The following CACNA1C variants were observed in gnomAD, a reference collection of about 807,000 sequenced individuals.
CACNA1C encodes the protein voltage-dependent L-type calcium channel subunit alpha-1C.
CACNA1C carries 30 observed loss-of-function variants against 229.0 expected under a neutral mutation model. The ratio of observed to expected loss-of-function variants is 0.13; its 90% confidence interval spans 0.10 to 0.18. CACNA1C has a LOEUF of 0.18. Ranked by LOEUF, CACNA1C falls within the 10% of genes least tolerant of loss-of-function variation. The probability of loss-of-function intolerance (pLI) is 1.00; values close to 1 mark genes in which losing one functional copy is unlikely to be tolerated. For synonymous variants in CACNA1C, 1,114 were observed against 1,132.5 expected, an observed-to-expected ratio of 0.98 and a Z score of 0.33; for missense variants, 1,658 against 2,845.0, an observed-to-expected ratio of 0.58 and a Z score of 9.49.
rs542605576 is a variant in CACNA1C, at chr12:2,260,747, G to C, written c.477+140317G>C. 3.3e-4 allele frequency among the ~76,000 whole-genome samples: 50 copies of C among 152,310 alleles called. No homozygotes were observed. The South Asian group carries it at 5.0e-3, about 15-fold the overall frequency. On this transcript the variant is annotated intron_variant, in intron 3 of 46. Transcript: ENST00000399655. ...CTGCCTCAACATTCTTGCTCCTAAA[G>C]TGGGGTTAATTATATATACCTTGCA...
intron 9 of CACNA1C, among the ~76,000 whole-genome samples, chr12:2,518,991 A>T (rs965477947): frequency 6.6e-6 from 1 of 152,224 alleles, no homozygotes; most frequent in African/African-American, 2.4e-5. Flanking sequence ...ATGTTACTGA[A>T]GTCAGCACTC....
At chr12:2,020,763 G>C (rs998563558) in intron 1 of CACNA1C, among the ~76,000 whole-genome samples, 16 of 152,184 alleles carry the variant, frequency 1.1e-4, no homozygotes, top group African/African-American at 3.9e-4. Context: ...CTCAGGAGTG[G>C]AGGAGATTTG....
chr12:2,555,884 G>T (rs545005210), intron 10 of CACNA1C, among the ~76,000 whole-genome samples: 4 of 152,086 alleles, frequency 2.6e-5, no homozygotes, highest in Admixed American at 6.5e-5. Context: ...GCGCTGGGAC[G>T]TCGCAGGCCT....
chr12:2,097,388 CG>C (rs2074614799), intron 1 of CACNA1C, among the ~76,000 whole-genome samples: 1 of 151,990 alleles, frequency 6.6e-6, no homozygotes, highest in Non-Finnish European at 1.5e-5. Context: ...CCTTGTGATC[CG>C]CCCGCCTCGA....
At chr12:2,238,086 T>C (rs752159043) in intron 3 of CACNA1C, among the ~76,000 whole-genome samples, 1 of 152,238 alleles carries the variant, frequency 6.6e-6, no homozygotes, top group Non-Finnish European at 1.5e-5. Context: ...CTCTTTGTTC[T>C]AGCCTTCGTC....
Position 2,032,259 on chromosome 12 carries a change from C to T in CACNA1C, c.139+61058C>T, listed in dbSNP as rs143220115. 5.8e-3 allele frequency among the ~76,000 whole-genome samples: 882 copies of T among 152,072 alleles called. 6 individuals are homozygous for T. The highest frequency in any genetic ancestry group is 0.02 in the African/African-American group (837 of 41,466). ...TTAGGTGTCATATGAGTGCTTATAT[C>T]AGTATAACTCACATCAGCCTTAGTG... On this transcript the variant is annotated intron_variant, in intron 1 of 46. Transcript: ENST00000682462.
chr12:2,361,331 A>G (rs1010273932), intron 3 of CACNA1C, among the ~76,000 whole-genome samples: 5 of 152,192 alleles, frequency 3.3e-5, no homozygotes, highest in African/African-American at 4.8e-5. Flanking sequence ...GATTTGGGGC[A>G]CATTGCTACC....
At chr12:2,292,180 T>G (rs1190108089) in intron 3 of CACNA1C, among the ~76,000 whole-genome samples, 3 of 152,198 alleles carry the variant, frequency 2.0e-5, no homozygotes, top group Non-Finnish European at 4.4e-5. Context: ...ACCTTGGTCC[T>G]TAAGAGGTTG....
chr12:2,358,307 GTC>G (rs142030445), intron 3 of CACNA1C, among the ~76,000 whole-genome samples: 8 of 135,628 alleles, frequency 5.9e-5, no homozygotes, highest in African/African-American at 1.4e-4. Flanking sequence ...GTGTGTGTGT[GTC>G]TCTTTGTCAT....
Position 2,369,981 on chromosome 12 carries a change from G to A in CACNA1C, c.478-78995G>A, listed in dbSNP as rs574631518. Among the ~76,000 whole-genome samples, 246 of 152,256 alleles carry A rather than the reference G, an allele frequency of 1.6e-3. 2 individuals carry two copies. The highest frequency in any genetic ancestry group is 2.4e-3 in the Non-Finnish European group (160 of 68,014). On this transcript the variant is annotated intron_variant, in intron 3 of 46. Transcript: ENST00000399655. ...AAATGTTTATTAAAGTGGTAGACAC[G>A]GGGTCAATATTGCTGCTGTATAAGG...
intron 3 of CACNA1C, among the ~76,000 whole-genome samples, chr12:2,227,400 C>G (rs767805437): frequency 5.9e-5 from 9 of 152,210 alleles, no homozygotes; most frequent in Non-Finnish European, 1.0e-4. Flanking sequence ...TCTATACCAC[C>G]TTTGACTGAC....
At chr12:2,543,740 T>A (rs2099876314) in intron 9 of CACNA1C, among the ~76,000 whole-genome samples, 1 of 152,204 alleles carries the variant, frequency 6.6e-6, no homozygotes, top group African/African-American at 2.4e-5. Flanking sequence ...TTCAGATCAT[T>A]TTCCATGCAG....
chr12:2,299,443 G>A (rs533776444), intron 3 of CACNA1C, among the ~76,000 whole-genome samples: 1 of 152,248 alleles, frequency 6.6e-6, no homozygotes, highest in Admixed American at 6.5e-5. Context: ...TGGATGCTCA[G>A]GGAGTGTTTG....
intron 3 of CACNA1C, among the ~76,000 whole-genome samples, chr12:2,128,011 A>G (rs965131393): frequency 6.6e-6 from 1 of 152,196 alleles, no homozygotes; most frequent in African/African-American, 2.4e-5. Context: ...CCTCTTGTTC[A>G]TGGCTGTATC....
At chr12:2,596,211 C>T in intron 20 of CACNA1C, 1 of 469,220 alleles carries the variant, frequency 2.1e-6, no homozygotes, top group Non-Finnish European at 3.7e-6. Flanking sequence ...CCCAAATGCT[C>T]AGGCTGGTTT....
chr12:2,612,878 G>A (rs1045758591), intron 29 of CACNA1C: 1 of 152,224 alleles, frequency 6.6e-6, no homozygotes, highest in Non-Finnish European at 1.5e-5. Flanking sequence ...GCAGCCCCCA[G>A]GCTACCATAA....
intron 1 of CACNA1C, among the ~76,000 whole-genome samples, chr12:2,002,643 A>G (rs1206934337): frequency 6.6e-5 from 10 of 152,232 alleles, no homozygotes; most frequent in Admixed American, 2.0e-4. Context: ...TACTCTCTTT[A>G]TACTGACAGT....
chr12:2,147,487 C>G (rs140982872), intron 3 of CACNA1C, among the ~76,000 whole-genome samples: 1 of 151,288 alleles, frequency 6.6e-6, no homozygotes, highest in Admixed American at 6.7e-5. Flanking sequence ...CCAGAATTAT[C>G]TGCTATTAAA....
intron 3 of CACNA1C, among the ~76,000 whole-genome samples, chr12:2,143,310 ATGTT>A (rs2154196054): frequency 6.6e-6 from 1 of 151,130 alleles, no homozygotes; most frequent in East Asian, 1.9e-4. Flanking sequence ...TAAGTGCACA[ATGTT>A]TGTAAAGTCG....
Sources: gnomAD v4.1 joint callset for allele counts (sites outside exome capture counted in the v4.1 genomes callset) on GRCh38, gnomAD v4.1.1 for gene constraint, MANE v1.5 for transcripts, NCBI Gene and HGNC (gene_info 2026-07-23, HGNC 2026-07-21) for gene names.